Variants in MEIS1 observed in about 807,000 individuals in gnomAD.
The protein encoded by MEIS1 is homeobox protein Meis1.
Under a neutral mutation model 50.8 loss-of-function variants are expected in MEIS1, and 5 were observed. The ratio of observed to expected loss-of-function variants is 0.10; its 90% CI spans 0.05 to 0.21. The LOEUF (loss-of-function observed/expected upper bound fraction) is 0.21, where lower values mean the gene tolerates loss of function less well. MEIS1 is among the 10% of genes least tolerant of loss of function. MEIS1 has a pLI of 1.00. For synonymous variants in MEIS1, 176 were observed against 179.3 expected, an observed-to-expected ratio of 0.98 and a Z score of 0.15; for missense variants, 318 against 517.3, an observed-to-expected ratio of 0.61 and a Z score of 3.74.
intron 6 of MEIS1, among the ~76,000 whole-genome samples, chr2:66,451,677 C>T (rs1250234495): frequency 6.6e-6 from 1 of 151,960 alleles, no homozygotes. Flanking sequence ...TATTCCTTAG[C>T]AATTTGAAAA....
intron 6 of MEIS1, among the ~76,000 whole-genome samples, chr2:66,449,791 C>A (rs1001727482): frequency 3.3e-5 from 5 of 152,134 alleles, no homozygotes; most frequent in Non-Finnish European, 5.9e-5. Flanking sequence ...ATTTCTTAAT[C>A]TAGAAAATAT....
chr2:66,473,457 G>A (rs1672818173), intron 7 of MEIS1, among the ~76,000 whole-genome samples: 1 of 139,790 alleles, frequency 7.2e-6, no homozygotes, highest in Admixed American at 7.2e-5. Context: ...TAAATAACAA[G>A]ATCTACTAGT....
intron 5 of MEIS1, 187 bp downstream of exon 5, chr2:66,441,651 T>C: frequency 3.6e-6 from 2 of 554,682 alleles, no homozygotes; most frequent in Non-Finnish European, 3.1e-6. Context: ...TTTCAGCCAC[T>C]AAAACTGGGA....
Position 66,439,969 on chromosome 2 carries a change from C to G in MEIS1, c.366C>G (p.Ala122=). 2 of 1,611,974 alleles carry G rather than the reference C, an allele frequency of 1.2e-6. No homozygotes were observed. The highest frequency in any genetic ancestry group is 1.7e-6 in the Non-Finnish European group (2 of 1,179,052). Residue 122 remains alanine, a synonymous_variant, in exon 3 of 13, where the codon GCC becomes GCG. Transcript: ENST00000272369. The stretch of plus-strand genomic sequence containing the variant: ...CAGAGTCATTCAATGAAGATATAGC[C>G]GTGTTCGCCAAACAGGTCAGCAAAA... ...CSSESFNEDI[A]VFAKQIRAEK...
At chr2:66,472,474 G>A (rs1427365911) in intron 7 of MEIS1, among the ~76,000 whole-genome samples, 2 of 152,186 alleles carry the variant, frequency 1.3e-5, no homozygotes, top group East Asian at 3.8e-4. Flanking sequence ...CTCTGTGTGA[G>A]CTATAAAAAT....
At chr2:66,458,708 T>G (rs757553352) in intron 6 of MEIS1, among the ~76,000 whole-genome samples, 1 of 152,226 alleles carries the variant, frequency 6.6e-6, no homozygotes, top group Non-Finnish European at 1.5e-5. Context: ...GCTTTAAATT[T>G]TCTTTCTTTT....
intron 8 of MEIS1, among the ~76,000 whole-genome samples, chr2:66,523,304 A>G (rs1207974588): frequency 1.3e-5 from 2 of 152,262 alleles, no homozygotes; most frequent in Non-Finnish European, 2.9e-5. Context: ...TGTGGTGTCT[A>G]TGACCCATTT....
chr2:66,459,609 A>G (rs1401210107), intron 6 of MEIS1, among the ~76,000 whole-genome samples: 3 of 152,174 alleles, frequency 2.0e-5, no homozygotes, highest in Non-Finnish European at 4.4e-5. Context: ...AGTCATGAAT[A>G]TGGAATGGGG....
intron 7 of MEIS1, among the ~76,000 whole-genome samples, chr2:66,484,805 C>A (rs887053910): frequency 6.6e-6 from 1 of 152,090 alleles, no homozygotes; most frequent in Admixed American, 6.6e-5. Flanking sequence ...GGTGATCCAC[C>A]AGCCTTGGCC....
intron 6 of MEIS1, among the ~76,000 whole-genome samples, chr2:66,457,321 T>C (rs917558482): frequency 4.6e-5 from 7 of 152,024 alleles, no homozygotes; most frequent in African/African-American, 1.7e-4. Flanking sequence ...GTGGGTTGAA[T>C]GATTATATGC....
chr2:66,521,216 T>C (rs1223022529), intron 8 of MEIS1, among the ~76,000 whole-genome samples: 1 of 152,252 alleles, frequency 6.6e-6, no homozygotes, highest in Admixed American at 6.5e-5. Context: ...ATTATTTAAC[T>C]GCTCCTCCTT....
intron 6 of MEIS1, among the ~76,000 whole-genome samples, chr2:66,449,138 G>T (rs1349938639): frequency 6.6e-6 from 1 of 152,062 alleles, no homozygotes; most frequent in Non-Finnish European, 1.5e-5. Flanking sequence ...CAGTTTATCT[G>T]ACAGTTGTGC....
Position 66,569,080 on chromosome 2 carries a change from G to T in MEIS1, c.1145G>T (p.Gly382Val). The change falls in exon 12 of 13, where the codon GGC becomes GTC. Residue 382 changes from glycine (G) to valine (V), a missense_variant. Physicochemically the swap from Gly to Val is moderately radical, Grantham distance 109 (BLOSUM62 -3). Around this residue, in one of 6 missense-constraint regions of MEIS1, gnomAD observed 54 missense variants for 75.0 expected, o/e 0.72. Coordinates refer to ENST00000272369, the MANE Select transcript of MEIS1 (RefSeq NM_002398.3). ...GPMSGMGMNM[G>V]MEGQWHYM is the part of the protein sequence containing the mutation. ...ATGAGTGGAATGGGCATGAATATGG[G>T]CATGGAGGGGCAGTGGCACTACATG... is the stretch of plus-strand genomic sequence containing the variant. The T allele has an allele frequency of 6.2e-7, 1 of 1,613,788 alleles. No homozygotes were observed. Among genetic ancestry groups the T allele is most frequent in the East Asian group, 2.2e-5 (1 of 44,870 alleles).
Position 66,567,791 on chromosome 2 carries a change from A to T in MEIS1, c.1024+280A>T, listed in dbSNP as rs537317844. On this transcript the variant is annotated intron_variant, in intron 10 of 12. Transcript: ENST00000272369. ...TGTACACATTCAATATATTAATGTT[A>T]TTTTTTTTCTGAGTTTGCCTTCCCA... 2.8e-3 allele frequency: 1,564 copies of T among 564,892 alleles called. 7 individuals carry two copies. Among genetic ancestry groups the T allele is most frequent in the Non-Finnish European group, 4.2e-3 (1,320 of 316,484 alleles). 35.0% of individuals were successfully genotyped at this position (564,892 alleles called of 1,614,324 possible).
At chr2:66,557,732 A>T (rs1675101664) in intron 9 of MEIS1, among the ~76,000 whole-genome samples, 1 of 152,188 alleles carries the variant, frequency 6.6e-6, no homozygotes, top group African/African-American at 2.4e-5. Context: ...AAGCGTTCAT[A>T]TACAAGTTTT....
Position 66,545,130 on chromosome 2 carries a change from G to T in MEIS1, c.889-2813G>T, listed in dbSNP as rs1490180173. Among the ~76,000 whole-genome samples, 3 of 152,070 alleles carry T rather than the reference G, an allele frequency of 2.0e-5. No homozygotes were observed. The East Asian group carries it at 5.8e-4, about 29-fold the overall frequency. On this transcript the variant is annotated intron_variant, in intron 8 of 12. Coordinates refer to ENST00000272369, the MANE Select transcript of MEIS1 (RefSeq NM_002398.3). ...TGGTATAAATAATAATTTTTATCCA[G>T]TTCTGGTCATAATATTAAGACATAA...
chr2:66,494,728 G>A (rs2139246), intron 7 of MEIS1, among the ~76,000 whole-genome samples: 23,378 of 152,112 alleles, frequency 0.15, 3,516 homozygotes, highest in African/African-American at 0.39. Context: ...ATATGATCTC[G>A]CTTGTTCCTC....
chr2:66,531,674 G>A (rs1434606328), intron 8 of MEIS1, among the ~76,000 whole-genome samples: 2 of 152,184 alleles, frequency 1.3e-5, no homozygotes, highest in Admixed American at 6.5e-5. Flanking sequence ...ATTAATACTC[G>A]CTGACATTGC....
Position 66,571,709 on chromosome 2 carries a change from AAC to A in MEIS1, c.*502_*503del. On this transcript the variant is annotated 3_prime_UTR_variant, in exon 13 of 13. Transcript: ENST00000272369. ...AGTCAATTTGGGGGACATGCTAAATAACTATATAAGACATTAAGAGAACAAAG... is the reference window on the plus strand; with the variant it reads ...AGTCAATTTGGGGGACATGCTAAATATATATAAGACATTAAGAGAACAAAG... The A allele has an allele frequency of 1.6e-6, 1 of 641,504 alleles. No individual in the cohort carries two copies. The highest frequency in any genetic ancestry group is 2.7e-6 in the Non-Finnish European group (1 of 374,504). 39.7% of individuals were successfully genotyped at this position (641,504 alleles called of 1,614,324 possible).
Sources: allele counts gnomAD v4.1 joint callset (sites outside exome capture counted in the v4.1 genomes callset), GRCh38; gene constraint gnomAD v4.1.1; regional missense constraint gnomAD v4.1.1; transcripts MANE v1.5; gene names NCBI Gene and HGNC (gene_info 2026-07-23, HGNC 2026-07-21).